The following TIPIN variants were observed in gnomAD, a reference collection of about 807,000 sequenced individuals.
The protein encoded by TIPIN is TIMELESS interacting protein.
In TIPIN, 29 loss-of-function variants were observed where a neutral mutation model predicts 35.6. The ratio of observed to expected loss-of-function variants is 0.82; its 90% confidence interval spans 0.61 to 1.11. TIPIN has a LOEUF of 1.11. TIPIN is among the 50% of genes most tolerant of loss of function. The probability of loss-of-function intolerance (pLI) is 0.00; values close to 1 mark genes in which losing one functional copy is unlikely to be tolerated. For synonymous variants in TIPIN, 102 were observed against 121.5 expected, an observed-to-expected ratio of 0.84 and a Z score of 1.06; for missense variants, 296 against 345.4, an observed-to-expected ratio of 0.86 and a Z score of 1.13.
intron 1 of TIPIN, among the ~76,000 whole-genome samples, chr15:66,380,546 G>C (rs2093315245): frequency 6.6e-6 from 1 of 152,034 alleles, no homozygotes; most frequent in Non-Finnish European, 1.5e-5. Flanking sequence ...CAGGCGCGGT[G>C]GCTCATGCCT....
At chr15:66,348,553 T>C (rs1595793504) in intron 6 of TIPIN, among the ~76,000 whole-genome samples, 1 of 143,952 alleles carries the variant, frequency 6.9e-6, no homozygotes, top group Admixed American at 7.0e-5. Flanking sequence ...CTGGGCATGG[T>C]GGCGCATGCC....
chr15:66,364,411 G>T (rs1595811218), intron 1 of TIPIN, among the ~76,000 whole-genome samples: 1 of 151,684 alleles, frequency 6.6e-6, no homozygotes, highest in Non-Finnish European at 1.5e-5. Context: ...TGATCTGCCC[G>T]CCTCGGCTTC....
chr15:66,354,967 C>T (rs1214321414), intron 1 of TIPIN, among the ~76,000 whole-genome samples: 2 of 151,586 alleles, frequency 1.3e-5, no homozygotes, highest in Non-Finnish European at 2.9e-5. Flanking sequence ...GAGGTTAAGT[C>T]TCTCTGTGTT....
intron 7 of TIPIN, among the ~76,000 whole-genome samples, chr15:66,340,517 G>T (rs577778066): frequency 2.7e-4 from 41 of 151,798 alleles, no homozygotes; most frequent in Non-Finnish European, 2.6e-4. Context: ...TTGTCCTAAA[G>T]GTAATAGTAT....
At chr15:66,346,484 G>T (rs1187526857) in intron 6 of TIPIN, among the ~76,000 whole-genome samples, 1 of 151,916 alleles carries the variant, frequency 6.6e-6, no homozygotes, top group Non-Finnish European at 1.5e-5. Flanking sequence ...CCAGGGACAT[G>T]TAACTATGCT....
chr15:66,352,329 C>G, intron 2 of TIPIN, 122 bp from the exon 3 acceptor site: 1 of 722,442 alleles, frequency 1.4e-6, no homozygotes, highest in Non-Finnish European at 2.2e-6. Context: ...AACAGGGTCT[C>G]ACTCTGTTGC....
intron 6 of TIPIN, among the ~76,000 whole-genome samples, chr15:66,343,174 T>C (rs1247839311): frequency 6.6e-6 from 1 of 152,086 alleles, no homozygotes; most frequent in Admixed American, 6.6e-5. Flanking sequence ...AATGTACAAG[T>C]GTTAGGTTAA....
At chr15:66,369,348 A>C (rs1446323337) in intron 1 of TIPIN, among the ~76,000 whole-genome samples, 1 of 133,018 alleles carries the variant, frequency 7.5e-6, no homozygotes, top group East Asian at 2.3e-4. Context: ...AATAGTTCAC[A>C]ATATCTTTTT....
intron 1 of TIPIN, chr15:66,380,009 T>C (rs2093312637): frequency 1.6e-6 from 1 of 634,292 alleles, no homozygotes; most frequent in South Asian, 2.0e-5. Context: ...TTTCTTTTTT[T>C]TTTTTTTTTT....
chr15:66,365,738 G>A (rs1469681286), intron 1 of TIPIN, among the ~76,000 whole-genome samples: 2 of 152,056 alleles, frequency 1.3e-5, no homozygotes, highest in African/African-American at 2.4e-5. Flanking sequence ...GTAAAGACGG[G>A]GTTTCACCCT....
At chr15:66,384,869 G>A (rs1320909085) in intron 1 of TIPIN, among the ~76,000 whole-genome samples, 3 of 152,028 alleles carry the variant, frequency 2.0e-5, no homozygotes, top group South Asian at 2.1e-4. Context: ...CCAAGGTTGC[G>A]CCATTGCACT....
In TIPIN at chr15:66,349,121, G is replaced by A. The variant is rs760132480; in HGVS notation, c.414C>T (p.Thr138=). The A allele has an allele frequency of 6.2e-7, 1 of 1,610,502 alleles. No homozygotes were observed. The highest frequency in any genetic ancestry group is 8.5e-7 in the Non-Finnish European group (1 of 1,178,492). ...EYLGSKKEVQ[T]CLKRIRLDLP... ...GATCAAGTCGAATTCGTTTTAAACA[G>A]GTCTGAAAATGAAAAGAGATTATTT... Residue 138 remains threonine, a splice_region_variant and synonymous_variant, in exon 6 of 8, where the codon ACC becomes ACT. Coordinates refer to ENST00000261881, the MANE Select transcript of TIPIN (RefSeq NM_017858.3).
chr15:66,360,495 T>G (rs1319512267), upstream of TIPIN, among the ~76,000 whole-genome samples: 1 of 152,098 alleles, frequency 6.6e-6, no homozygotes. Flanking sequence ...TGTTGTTTTA[T>G]CTGAGTTACA....
At chr15:66,352,326 T>A (rs1008428778) in intron 2 of TIPIN, 119 bp from the exon 3 acceptor site, 15 of 750,100 alleles carry the variant, frequency 2.0e-5, no homozygotes, top group Non-Finnish European at 2.8e-5. Context: ...TGAAACAGGG[T>A]CTCACTCTGT....
intron 7 of TIPIN, among the ~76,000 whole-genome samples, chr15:66,339,131 CA>C (rs35065958): frequency 9.7e-5 from 2 of 20,588 alleles, no homozygotes; most frequent in Non-Finnish European, 1.4e-4. Flanking sequence ...GACTCCATCT[CA>C]AAAAAAAAAA....
In TIPIN at chr15:66,349,816, G is replaced by T. The variant is rs185942172; in HGVS notation, c.289-379C>A. Among the ~76,000 whole-genome samples the T allele has an allele frequency of 1.7e-4, 26 of 152,154 alleles. 1 individual carries two copies. In the East Asian group the frequency reaches 4.8e-3, roughly 28 times the overall value. On this transcript the variant is annotated intron_variant, in intron 4 of 7. Transcript: ENST00000261881. ...GACTCCCTGAGCCTGGGGGGCAGAGGTTGCAGTGAGCCAAGTTCACACCAC... is the reference window on the plus strand; with the variant it reads ...GACTCCCTGAGCCTGGGGGGCAGAGTTTGCAGTGAGCCAAGTTCACACCAC...
intron 1 of TIPIN, among the ~76,000 whole-genome samples, chr15:66,384,834 C>T (rs148770338): frequency 0.024 from 3,703 of 151,994 alleles, 73 homozygotes; most frequent in Non-Finnish European, 0.037. Flanking sequence ...ATCACTTGAG[C>T]TTGGGAGGTG....
chr15:66,357,866 G>A (rs1041966784), upstream of TIPIN, among the ~76,000 whole-genome samples: 1 of 152,030 alleles, frequency 6.6e-6, no homozygotes, highest in African/African-American at 2.4e-5. Flanking sequence ...TGAGGCAGGA[G>A]TATCACTTGA....
intron 1 of TIPIN, among the ~76,000 whole-genome samples, chr15:66,356,271 C>T (rs1297226857): frequency 1.3e-5 from 2 of 152,168 alleles, no homozygotes; most frequent in African/African-American, 4.8e-5. Flanking sequence ...AGCCGTCCCC[C>T]TCATCCTCGT....
Sources: allele counts gnomAD v4.1 joint callset (sites outside exome capture counted in the v4.1 genomes callset), GRCh38; gene constraint gnomAD v4.1.1; transcripts MANE v1.5; gene names NCBI Gene and HGNC (gene_info 2026-07-23, HGNC 2026-07-21).